PTPRO: variants seen among roughly 807,000 people sequenced by gnomAD.
The protein encoded by PTPRO is protein tyrosine phosphatase receptor type O.
In PTPRO, 62 loss-of-function variants were observed where a neutral mutation model predicts 145.2. The ratio of observed to expected loss-of-function variants is 0.43; its 90% CI spans 0.35 to 0.53. The LOEUF (loss-of-function observed/expected upper bound fraction) is 0.53, where lower values mean the gene tolerates loss of function less well. Ranked by LOEUF, PTPRO falls within the 20% of genes least tolerant of loss-of-function variation. The pLI, the probability that PTPRO is intolerant of heterozygous loss-of-function variation, is 0.01. For synonymous variants in PTPRO, 565 were observed against 514.7 expected (o/e 1.10, Z -1.32); for missense variants, 1,345 against 1,482.7 (o/e 0.91, Z 1.53).
intron 1 of PTPRO, among the ~76,000 whole-genome samples, chr12:15,345,706 C>T (rs2136223261): frequency 6.6e-6 from 1 of 152,096 alleles, no homozygotes; most frequent in African/African-American, 2.4e-5. Flanking sequence ...TGTAACAAAC[C>T]TGCATGTTCT....
intron 1 of PTPRO, among the ~76,000 whole-genome samples, chr12:15,414,026 G>A (rs564825622): frequency 6.6e-5 from 10 of 152,212 alleles, no homozygotes; most frequent in African/African-American, 2.2e-4. Flanking sequence ...CATAAATTGC[G>A]AAGTAACTAG....
chr12:15,388,079 C>G (rs1939080061), intron 1 of PTPRO, among the ~76,000 whole-genome samples: 1 of 152,074 alleles, frequency 6.6e-6, no homozygotes, highest in African/African-American at 2.4e-5. Flanking sequence ...CGAGCCAATG[C>G]AGAAGGCCTC....
At chr12:15,341,841 A>C (rs1322750297) in intron 1 of PTPRO, among the ~76,000 whole-genome samples, 1 of 152,258 alleles carries the variant, frequency 6.6e-6, no homozygotes, top group Non-Finnish European at 1.5e-5. Context: ...GCATAAAGCA[A>C]AGATTACCTG....
intron 1 of PTPRO, among the ~76,000 whole-genome samples, chr12:15,415,214 G>A (rs201040513): frequency 9.2e-5 from 14 of 151,876 alleles, no homozygotes; most frequent in Middle Eastern, 6.8e-3. Flanking sequence ...TTCCTGGCCC[G>A]TCCAGCTACC....
chr12:15,579,042 T>G, intron 20 of PTPRO, 99 bp downstream of exon 20: 1 of 1,057,754 alleles, frequency 9.5e-7, no homozygotes, highest in African/African-American at 1.6e-5. Context: ...CATACCCACT[T>G]GTGGTCCGGA....
At chr12:15,442,822 A>G (rs1345311136) in intron 1 of PTPRO, among the ~76,000 whole-genome samples, 1 of 152,184 alleles carries the variant, frequency 6.6e-6, no homozygotes, top group African/African-American at 2.4e-5. Flanking sequence ...AAGAAATCAG[A>G]TGACACACAC....
chr12:15,477,477 T>C (rs1049731931), intron 1 of PTPRO, among the ~76,000 whole-genome samples: 2 of 151,562 alleles, frequency 1.3e-5, no homozygotes, highest in African/African-American at 4.9e-5. Context: ...AATGTGCACA[T>C]GTACCCTAAA....
At chr12:15,578,511 A>C (rs1944235664) in intron 19 of PTPRO, among the ~76,000 whole-genome samples, 1 of 152,164 alleles carries the variant, frequency 6.6e-6, no homozygotes, top group Admixed American at 6.5e-5. Flanking sequence ...CAGCTGGGGC[A>C]GTTCTGCTTC....
intron 16 of PTPRO, 41 bp downstream of exon 16, chr12:15,557,564 A>G: frequency 6.4e-7 from 1 of 1,571,914 alleles, no homozygotes; most frequent in Non-Finnish European, 8.8e-7. Flanking sequence ...TAGTTTAACT[A>G]TGCTGTGTGT....
intron 1 of PTPRO, among the ~76,000 whole-genome samples, chr12:15,399,819 G>A (rs1176054133): frequency 6.6e-6 from 1 of 151,848 alleles, no homozygotes. Flanking sequence ...GGGAGGCTGA[G>A]ACAGGTGGAT....
At chr12:15,514,451 C>CAAAAAAA (rs71438353) in intron 7 of PTPRO, among the ~76,000 whole-genome samples, 3 of 68,928 alleles carry the variant, frequency 4.4e-5, no homozygotes, top group African/African-American at 1.2e-4. Flanking sequence ...GACTCTGTCT[C>CAAAAAAA]AAAAAAAAAA....
intron 1 of PTPRO, among the ~76,000 whole-genome samples, chr12:15,368,373 A>G (rs919630522): frequency 6.6e-6 from 1 of 152,204 alleles, no homozygotes; most frequent in Admixed American, 6.5e-5. Flanking sequence ...AACCATCTCC[A>G]TATCACCTGC....
chr12:15,507,052 C>T (rs922757692), intron 6 of PTPRO, among the ~76,000 whole-genome samples: 2 of 152,150 alleles, frequency 1.3e-5, no homozygotes, highest in Non-Finnish European at 2.9e-5. Context: ...CTTACTCTAT[C>T]TCTACCTCAG....
chr12:15,351,990 A>G (rs1056509095), intron 1 of PTPRO, among the ~76,000 whole-genome samples: 2 of 152,182 alleles, frequency 1.3e-5, no homozygotes, highest in Non-Finnish European at 2.9e-5. Context: ...TATACTAGAC[A>G]ATGCAAACAC....
chr12:15,412,551 G>T (rs1236454701), intron 1 of PTPRO, among the ~76,000 whole-genome samples: 1 of 152,100 alleles, frequency 6.6e-6, no homozygotes, highest in Non-Finnish European at 1.5e-5. Context: ...ATAACTAGTT[G>T]AGTCATTACA....
intron 2 of PTPRO, among the ~76,000 whole-genome samples, chr12:15,494,362 C>T (rs561007155): frequency 6.6e-6 from 1 of 152,260 alleles, no homozygotes. Flanking sequence ...GGACTATCAG[C>T]TTAGATTAGG....
At chr12:15,481,893 G>A (rs558096869) in intron 1 of PTPRO, among the ~76,000 whole-genome samples, 7 of 152,224 alleles carry the variant, frequency 4.6e-5, no homozygotes, top group African/African-American at 7.2e-5. Flanking sequence ...AAATCAATAA[G>A]TTAAACTGTT....
At chr12:15,583,300 G>A (rs1944360148) in intron 23 of PTPRO, among the ~76,000 whole-genome samples, 1 of 152,012 alleles carries the variant, frequency 6.6e-6, no homozygotes, top group Admixed American at 6.6e-5. Context: ...GAGCAACACA[G>A]GGAGATCCCA....
intron 1 of PTPRO, among the ~76,000 whole-genome samples, chr12:15,467,226 G>C (rs1442866280): frequency 6.6e-6 from 1 of 151,998 alleles, no homozygotes; most frequent in Non-Finnish European, 1.5e-5. Flanking sequence ...CCAAATATTA[G>C]GTCCAAACCT....
Sources: gnomAD v4.1 joint callset for allele counts (sites outside exome capture counted in the v4.1 genomes callset) on GRCh38, gnomAD v4.1.1 for gene constraint, MANE v1.5 for transcripts, NCBI Gene and HGNC (gene_info 2026-07-23, HGNC 2026-07-21) for gene names.